The following RFX4 variants were observed in gnomAD, a reference collection of about 807,000 sequenced individuals.
RFX4 encodes transcription factor RFX4.
In RFX4, 10 loss-of-function variants were observed where a neutral mutation model predicts 95.0. The observed-to-expected ratio is 0.11, with a 90% CI of 0.06 to 0.18. The LOEUF is 0.18. RFX4 is among the 10% of genes least tolerant of loss of function. The probability of loss-of-function intolerance (pLI) is 1.00; values close to 1 mark genes in which losing one functional copy is unlikely to be tolerated. For missense variants in RFX4, 640 were observed against 922.0 expected (o/e 0.69, Z 3.96); for synonymous variants, 321 against 340.7 (o/e 0.94, Z 0.64).
intron 3 of RFX4, among the ~76,000 whole-genome samples, chr12:106,641,436 G>A (rs913939331): frequency 6.6e-6 from 1 of 152,188 alleles, no homozygotes; most frequent in Admixed American, 6.5e-5. Context: ...GGCATGGGGT[G>A]GGGCTCAGTC....
rs964276718 is a variant in RFX4, at chr12:106,591,394, A to C, written c.43+8031A>C. On this transcript the variant is annotated intron_variant, in intron 1 of 17. Transcript: ENST00000392842. ...GCAATTCTCCTGTCTCAGCCTCCTG[A>C]GTAGCTGAGATTACAGGTGCCCGCC... 4.0e-5 allele frequency among the ~76,000 whole-genome samples: 6 copies of C among 148,660 alleles called. No homozygotes were observed. In the Admixed American group the frequency reaches 4.1e-4, roughly 10 times the overall value.
chr12:106,584,978 A>G (rs745590512), intron 1 of RFX4, among the ~76,000 whole-genome samples: 10 of 152,246 alleles, frequency 6.6e-5, no homozygotes, highest in Non-Finnish European at 1.0e-4. Flanking sequence ...TACTGGCGGT[A>G]AAGCGGGAGC....
At position 106,729,215 on chromosome 12, in the gene RFX4, G is replaced by A. The variant is rs142503875; in HGVS notation, c.1352-2915G>A. 7.9e-5 allele frequency among the ~76,000 whole-genome samples: 12 copies of A among 152,250 alleles called. 1 individual carries two copies. The highest frequency in any genetic ancestry group is 2.9e-4 in the African/African-American group (12 of 41,542). On this transcript the variant is annotated intron_variant, in intron 13 of 17. Coordinates refer to ENST00000392842, the MANE Select transcript of RFX4 (RefSeq NM_213594.3). ...TTCCATGCTAATTCATTATTTCATA[G>A]TACATTTCTCTCTTTCTATCCATGT... is the stretch of plus-strand genomic sequence containing the variant.
intron 11 of RFX4, among the ~76,000 whole-genome samples, chr12:106,717,978 C>T (rs1272500545): frequency 6.6e-6 from 1 of 152,214 alleles, no homozygotes; most frequent in African/African-American, 2.4e-5. Flanking sequence ...AGGGGGTTAC[C>T]ATCACCTCTG....
At chr12:106,595,727 G>A (rs1481707545) in intron 1 of RFX4, among the ~76,000 whole-genome samples, 2 of 152,122 alleles carry the variant, frequency 1.3e-5, no homozygotes, top group African/African-American at 4.8e-5. Context: ...GCTGTTAAAA[G>A]AACAGCACCT....
At chr12:106,591,026 G>T (rs1007121681) in intron 1 of RFX4, among the ~76,000 whole-genome samples, 2 of 152,122 alleles carry the variant, frequency 1.3e-5, no homozygotes, top group South Asian at 4.2e-4. Flanking sequence ...TTATCCAAGA[G>T]ATGAGTAAGT....
intron 15 of RFX4, among the ~76,000 whole-genome samples, chr12:106,734,200 TAC>T (rs1484270891): frequency 5.9e-5 from 9 of 152,130 alleles, no homozygotes; most frequent in Admixed American, 5.9e-4. Flanking sequence ...GTTTAATAGG[TAC>T]AGAGGTTCAG....
At position 106,715,402 on chromosome 12, in the gene RFX4, A is replaced by C; in HGVS notation, c.996A>C (p.Ala332=). ...RQTSLNHLCQ[A]SRTVIHSADI... The stretch of plus-strand genomic sequence containing the variant: ...GAGTTGATTGGATTGGATTATAGGC[A>C]TCTCGAACAGTGATCCACAGTGCAG... Residue 332 remains alanine (A), a splice_region_variant and synonymous_variant, in exon 11 of 18, where the codon GCA becomes GCC. Coordinates refer to ENST00000392842, the MANE Select transcript of RFX4 (RefSeq NM_213594.3). The C allele has an allele frequency of 1.9e-6, 3 of 1,614,074 alleles. No individual in the cohort carries two copies. In the South Asian group the frequency reaches 3.3e-5, roughly 18 times the overall value.
At chr12:106,588,523 C>A (rs745483427) in intron 1 of RFX4, among the ~76,000 whole-genome samples, 1 of 152,200 alleles carries the variant, frequency 6.6e-6, no homozygotes, top group Admixed American at 6.5e-5. Flanking sequence ...TCTCTTCTCA[C>A]GCCTAGGCAT....
At chr12:106,757,229 T>A (rs1027552860) in intron 17 of RFX4, among the ~76,000 whole-genome samples, 9 of 152,240 alleles carry the variant, frequency 5.9e-5, no homozygotes, top group Admixed American at 5.2e-4. Context: ...ACTTAACTAA[T>A]CCTGACTCTA....
At chr12:106,636,403 A>AAG (rs1555226886) in intron 2 of RFX4, among the ~76,000 whole-genome samples, 2 of 151,642 alleles carry the variant, frequency 1.3e-5, no homozygotes, top group Non-Finnish European at 2.9e-5. Flanking sequence ...AAAAAAAAAA[A>AAG]AAAAGAAAAG....
chr12:106,601,006 C>A, intron 1 of RFX4: 1 of 571,866 alleles, frequency 1.7e-6, no homozygotes, highest in Non-Finnish European at 2.6e-6. Context: ...CCATGTTGAT[C>A]ACTAGCTGCT....
chr12:106,729,122 G>T (rs191158631), intron 13 of RFX4, among the ~76,000 whole-genome samples: 101 of 152,102 alleles, frequency 6.6e-4, no homozygotes, highest in African/African-American at 2.3e-3. Context: ...CAAGAGAATG[G>T]TATAAAATGA....
intron 17 of RFX4, among the ~76,000 whole-genome samples, chr12:106,754,608 T>C (rs1341034349): frequency 6.6e-6 from 1 of 152,156 alleles, no homozygotes; most frequent in Non-Finnish European, 1.5e-5. Context: ...GCCATTGCCA[T>C]AAAAAGAAGC....
chr12:106,616,257 C>T (rs1189802610), intron 2 of RFX4, among the ~76,000 whole-genome samples: 1 of 152,178 alleles, frequency 6.6e-6, no homozygotes, highest in East Asian at 1.9e-4. Flanking sequence ...CTGGGAATTA[C>T]ATCGGTTGAA....
Position 106,720,861 on chromosome 12 carries a change from A to G in RFX4, c.1336A>G (p.Ser446Gly). 1.2e-6 allele frequency: 2 copies of G among 1,612,670 alleles called. No individual in the cohort carries two copies. Among genetic ancestry groups the G allele is most frequent in the Non-Finnish European group, 1.7e-6 (2 of 1,179,960 alleles). The change falls in exon 13 of 18, where the codon AGC (serine) becomes GGC (glycine). Residue 446 changes from serine (S) to glycine (G), a missense_variant. By Grantham distance (56) the Ser-to-Gly change is moderately conservative. Around this residue, in one of 7 missense-constraint regions of RFX4, gnomAD observed 20 missense variants for 52.3 expected, o/e 0.38. Transcript: ENST00000392842. The surrounding 1 kb of genome is among the most constrained non-coding windows in gnomAD (Gnocchi z 4.2). The stretch of plus-strand genomic sequence containing the variant: ...GGTGATCCGGGACATGACCTTGCAC[A>G]GCGCCCCCAGCTTCGGTAAGGCCAC... ...TRVIRDMTLH[S>G]APSFGSFHLI...
At chr12:106,651,062 A>G (rs1272843811) in intron 3 of RFX4, among the ~76,000 whole-genome samples, 1 of 152,120 alleles carries the variant, frequency 6.6e-6, no homozygotes, top group Non-Finnish European at 1.5e-5. Context: ...CTTAAGCCAA[A>G]TCATATCCAT....
At chr12:106,590,295 A>G (rs547649105) in intron 1 of RFX4, among the ~76,000 whole-genome samples, 1 of 152,392 alleles carries the variant, frequency 6.6e-6, no homozygotes, top group South Asian at 2.1e-4. Flanking sequence ...AATAGTTAAC[A>G]TACGTTCCAT....
chr12:106,648,807 T>C (rs987356343), intron 3 of RFX4, among the ~76,000 whole-genome samples: 10 of 152,064 alleles, frequency 6.6e-5, no homozygotes, highest in African/African-American at 2.2e-4. Context: ...TGCATATACA[T>C]ATAAGAAATC....
Sources: allele counts gnomAD v4.1 joint callset (sites outside exome capture counted in the v4.1 genomes callset), GRCh38; gene constraint gnomAD v4.1.1; regional missense constraint gnomAD v4.1.1; non-coding constraint Gnocchi (gnomAD v3.1); transcripts MANE v1.5; gene names NCBI Gene and HGNC (gene_info 2026-07-23, HGNC 2026-07-21).